The following NDUFA10 variants were observed in gnomAD, a reference collection of about 807,000 sequenced individuals.
NDUFA10 encodes NADH dehydrogenase [ubiquinone] 1 alpha subcomplex subunit 10, mitochondrial.
Under a neutral mutation model 47.8 loss-of-function variants are expected in NDUFA10, and 40 were observed. That is an observed-to-expected ratio of 0.84 (90% confidence interval 0.65 to 1.09). NDUFA10 has a LOEUF of 1.09. NDUFA10 is among the 50% of genes least tolerant of loss of function. The probability of loss-of-function intolerance (pLI) is 0.00; values close to 1 mark genes in which losing one functional copy is unlikely to be tolerated. For missense variants in NDUFA10, 413 were observed against 451.1 expected (o/e 0.92, Z 0.76); for synonymous variants, 183 against 172.2 (o/e 1.06, Z -0.49).
intron 4 of NDUFA10, among the ~76,000 whole-genome samples, chr2:239,933,419 G>A (rs374782524): frequency 1.5e-3 from 232 of 152,288 alleles, no homozygotes; most frequent in African/African-American, 5.4e-3. Flanking sequence ...AGCCGGGCCT[G>A]GGGAGCGACC....
At chr2:240,010,336 G>A (rs1250103326) in intron 6 of NDUFA10, among the ~76,000 whole-genome samples, 2 of 152,082 alleles carry the variant, frequency 1.3e-5, no homozygotes, top group South Asian at 2.1e-4. Flanking sequence ...CTATGAGGGC[G>A]GCAAAGTAAA....
intron 4 of NDUFA10, among the ~76,000 whole-genome samples, chr2:239,915,488 C>CACAT: frequency 1.3e-5 from 2 of 148,284 alleles, no homozygotes; most frequent in South Asian, 2.1e-4. Flanking sequence ...ACAGAACACA[C>CACAT]ACACAGACAC....
intron 9 of NDUFA10, among the ~76,000 whole-genome samples, chr2:239,972,137 ATGTGTGTGTGTGTG>A (rs4149568): frequency 1.2e-3 from 188 of 150,610 alleles, no homozygotes; most frequent in African/African-American, 4.2e-3. Context: ...TTCATGAAGG[ATGTGTGTGTGTGTG>A]TGTGTGTGTG....
intron 4 of NDUFA10, among the ~76,000 whole-genome samples, chr2:239,914,985 C>T (rs1190420716): frequency 1.3e-5 from 2 of 149,112 alleles, no homozygotes; most frequent in Non-Finnish European, 2.9e-5. Flanking sequence ...CACAGACACA[C>T]ACAAATATAT....
At chr2:239,943,772 T>C (rs1694399682) in intron 4 of NDUFA10, among the ~76,000 whole-genome samples, 1 of 151,944 alleles carries the variant, frequency 6.6e-6, no homozygotes, top group Non-Finnish European at 1.5e-5. Context: ...ACACAGAGAC[T>C]GAGAGATGAG....
In NDUFA10 at chr2:239,958,931, G is replaced by A; in HGVS notation, c.*2187C>T. 1 of 985,110 alleles carries A rather than the reference G, an allele frequency of 1.0e-6. No individual in the cohort carries two copies. Among genetic ancestry groups the A allele is most frequent in the Non-Finnish European group, 1.2e-6 (1 of 829,664 alleles). The allele number at this position is 985,110 out of a possible 1,614,324, so 61.0% of individuals were successfully genotyped here. On this transcript the variant is annotated 3_prime_UTR_variant, in exon 10 of 10. Coordinates refer to ENST00000252711, the MANE Select transcript of NDUFA10 (RefSeq NM_004544.4). ...GAAAATGCACGATTATTTTGATCCTGGTTTGTTGGTGCTGTTGTTTTAGTT... is the reference window on the plus strand; with the variant it reads ...GAAAATGCACGATTATTTTGATCCTAGTTTGTTGGTGCTGTTGTTTTAGTT...
chr2:239,974,589 C>T (rs778754146), intron 9 of NDUFA10, among the ~76,000 whole-genome samples: 9 of 152,212 alleles, frequency 5.9e-5, no homozygotes, highest in Non-Finnish European at 1.3e-4. Context: ...GCGGGCTGAT[C>T]CCTCATGAAT....
chr2:240,011,733 TAG>T, intron 5 of NDUFA10, 37 bp from the exon 6 acceptor site: 1 of 1,522,114 alleles, frequency 6.6e-7, no homozygotes, highest in Non-Finnish European at 9.1e-7. Flanking sequence ...GGGAAACATT[TAG>T]AGTTCATTCT....
chr2:239,966,294 C>T (rs1695054971), intron 9 of NDUFA10, among the ~76,000 whole-genome samples: 1 of 152,224 alleles, frequency 6.6e-6, no homozygotes, highest in Non-Finnish European at 1.5e-5. Flanking sequence ...GAAATGACAA[C>T]TCCCCCTGGC....
Position 239,959,494 on chromosome 2 carries a change from C to T in NDUFA10, c.*1624G>A. The T allele has an allele frequency of 1.0e-6, 1 of 985,482 alleles. No individual in the cohort carries two copies. Among genetic ancestry groups the T allele is most frequent in the Non-Finnish European group, 1.2e-6 (1 of 829,942 alleles). The allele number at this position is 985,482 out of a possible 1,614,324, so 61.0% of individuals were successfully genotyped here. On this transcript the variant is annotated 3_prime_UTR_variant, in exon 10 of 10. Coordinates refer to ENST00000252711, the MANE Select transcript of NDUFA10 (RefSeq NM_004544.4). ...AAGACACTCTGTGACTGGCCCAATG[C>T]CCAGCTGTGCTTTCATTTCATGATT...
intron 4 of NDUFA10, among the ~76,000 whole-genome samples, chr2:239,901,198 G>C (rs904619762): frequency 6.6e-6 from 1 of 152,042 alleles, no homozygotes; most frequent in Non-Finnish European, 1.5e-5. Context: ...CATTGACTCC[G>C]CCATGCTCTA....
chr2:239,959,440 A>G lies in NDUFA10; in HGVS notation c.*1678T>C, dbSNP rs2106390985. 1 of 985,470 alleles carries G rather than the reference A, an allele frequency of 1.0e-6. No homozygotes were observed. The highest frequency in any genetic ancestry group is 1.2e-6 in the Non-Finnish European group (1 of 829,940). The allele number at this position is 985,470 out of a possible 1,614,324, so 61.0% of individuals were successfully genotyped here. A position where few individuals can be genotyped will look rare whatever the true frequency, so the allele number is the denominator to read the frequency against. ...GCTTTCTTTTTCTTTCCTCCCCTCC[A>G]CAATGGGTTTGTGAAGTGCTCAGAG... On this transcript the variant is annotated 3_prime_UTR_variant, in exon 10 of 10. Coordinates refer to ENST00000252711, the MANE Select transcript of NDUFA10 (RefSeq NM_004544.4).
Position 240,025,222 on chromosome 2 carries a change from C to G in NDUFA10, c.75+5G>C, listed in dbSNP as rs1254664146. 3 of 1,482,606 alleles carry G rather than the reference C, an allele frequency of 2.0e-6. No individual in the cohort carries two copies. Among genetic ancestry groups the G allele is most frequent in the Admixed American group, 4.5e-5 (2 of 44,190 alleles). 91.8% of individuals were successfully genotyped at this position (1,482,606 alleles called of 1,614,324 possible). ...CGCCACCCTGCCACCCCGCCGCCCG[C>G]TCACCACGCGCTGGGCGCCCGCCGC... On this transcript the variant is annotated splice_donor_5th_base_variant and intron_variant, in intron 1 of 9. Coordinates refer to ENST00000252711, the MANE Select transcript of NDUFA10 (RefSeq NM_004544.4).
At chr2:239,983,751 A>C (rs1208716075) in intron 9 of NDUFA10, 2 of 1,545,304 alleles carry the variant, frequency 1.3e-6, no homozygotes, top group Non-Finnish European at 1.8e-6. Context: ...CAACTGAGGG[A>C]GAGTCTACAA....
At chr2:239,984,842 G>C (rs531946005) in intron 9 of NDUFA10, among the ~76,000 whole-genome samples, 6 of 152,228 alleles carry the variant, frequency 3.9e-5, no homozygotes, top group African/African-American at 1.2e-4. Flanking sequence ...TGAGAAGCCC[G>C]GCAGAGCTTT....
In NDUFA10 at chr2:240,021,232, T is replaced by C. The variant is rs387906873; in HGVS notation, c.425A>G (p.Gln142Arg). ...QSWLYSSRLL[Q>R]YSDALEHLLT... The stretch of plus-strand genomic sequence containing the variant: ...CAAGTGCTCCAAGGCATCTGAGTAC[T>C]GCAGCAGGCGACTGCTGTACAACCA... Residue 142 changes from glutamine (Q) to arginine (R), a missense_variant, in exon 3 of 10, where the codon CAG becomes CGG. Gln to Arg is a conservative substitution (Grantham distance 43). Coordinates refer to ENST00000252711, the MANE Select transcript of NDUFA10 (RefSeq NM_004544.4). 2 of 1,614,230 alleles carry C rather than the reference T, an allele frequency of 1.2e-6. No individual in the cohort carries two copies. The highest frequency in any genetic ancestry group is 1.7e-6 in the Non-Finnish European group (2 of 1,180,042).
chr2:240,018,726 A>T, intron 3 of NDUFA10, 87 bp from the exon 4 acceptor site: 1 of 1,347,908 alleles, frequency 7.4e-7, no homozygotes, highest in African/African-American at 1.4e-5. Context: ...AGAAAAGAAA[A>T]TAACAATCAT....
chr2:239,939,314 C>T (rs1694320803), intron 4 of NDUFA10, among the ~76,000 whole-genome samples: 1 of 152,214 alleles, frequency 6.6e-6, no homozygotes, highest in Non-Finnish European at 1.5e-5. Flanking sequence ...CAGCAGGGCA[C>T]CTGCTGAAAT....
At position 239,906,640 on chromosome 2, in the gene NDUFA10, C is replaced by T. The variant is rs1276470905; in HGVS notation, c.295-11326G>A. On this transcript the variant is annotated intron_variant, in intron 4 of 5. Transcript: ENST00000419408. The surrounding 1 kb of genome is among the most constrained non-coding windows in gnomAD (Gnocchi z 4.3). ...GCCAACCAGCGTGCCCCCGGGAATG[C>T]TGGTCCAGACGCTTTGCCCTGCACC... 6.6e-6 allele frequency among the ~76,000 whole-genome samples: 1 copy of T among 152,200 alleles called. No homozygotes were observed. Among genetic ancestry groups the T allele is most frequent in the African/African-American group, 2.4e-5 (1 of 41,454 alleles).
Sources: allele counts gnomAD v4.1 joint callset (sites outside exome capture counted in the v4.1 genomes callset), GRCh38; gene constraint gnomAD v4.1.1; non-coding constraint Gnocchi (gnomAD v3.1); transcripts MANE v1.5; gene names NCBI Gene and HGNC (gene_info 2026-07-23, HGNC 2026-07-21).